AMBRA1: variants seen among roughly 807,000 people sequenced by gnomAD.
AMBRA1 encodes the protein autophagy and beclin 1 regulator 1.
AMBRA1 carries 47 observed loss-of-function variants against 125.4 expected under a neutral mutation model. The ratio of observed to expected loss-of-function variants is 0.37; its 90% CI spans 0.30 to 0.48. AMBRA1 has a LOEUF of 0.48. AMBRA1 is among the 20% of genes least tolerant of loss of function. AMBRA1 has a pLI of 0.99. For missense variants in AMBRA1, 1,331 were observed against 1,693.4 expected (o/e 0.79, Z 3.76); for synonymous variants, 626 against 655.5 (o/e 0.95, Z 0.69).
chr11:46,517,930 A>G (rs1951576042), intron 7 of AMBRA1, among the ~76,000 whole-genome samples: 1 of 152,028 alleles, frequency 6.6e-6, no homozygotes, highest in Non-Finnish European at 1.5e-5. Flanking sequence ...TCGTATATAT[A>G]TAGAGAGAGA....
intron 14 of AMBRA1, among the ~76,000 whole-genome samples, chr11:46,426,482 G>A (rs1947143951): frequency 6.6e-6 from 1 of 152,204 alleles, no homozygotes; most frequent in South Asian, 2.1e-4. Context: ...ATGCAGCATA[G>A]ACTGCACTCT....
chr11:46,545,013 G>C (rs1178715344), intron 5 of AMBRA1, among the ~76,000 whole-genome samples: 2 of 151,934 alleles, frequency 1.3e-5, no homozygotes, highest in African/African-American at 4.8e-5. Flanking sequence ...TGTAGTCCCA[G>C]ATACTCATAA....
chr11:46,557,286 G>A (rs1275875542), intron 1 of AMBRA1, among the ~76,000 whole-genome samples: 4 of 144,562 alleles, frequency 2.8e-5, no homozygotes, highest in African/African-American at 1.0e-4. Context: ...GGGGGAGAGA[G>A]TGAGACTCCA....
At chr11:46,501,935 G>A (rs1414045635) in intron 9 of AMBRA1, among the ~76,000 whole-genome samples, 1 of 152,110 alleles carries the variant, frequency 6.6e-6, no homozygotes, top group Non-Finnish European at 1.5e-5. Context: ...TACTGTACTT[G>A]CCTTTCTCCT....
chr11:46,510,372 A>G (rs1951210117), intron 8 of AMBRA1, among the ~76,000 whole-genome samples: 1 of 152,220 alleles, frequency 6.6e-6, no homozygotes, highest in Admixed American at 6.5e-5. Context: ...CACTGTTCTT[A>G]TATCTGCCCA....
intron 14 of AMBRA1, among the ~76,000 whole-genome samples, chr11:46,430,326 T>C (rs1947391825): frequency 6.6e-6 from 1 of 152,160 alleles, no homozygotes; most frequent in African/African-American, 2.4e-5. Context: ...AAAACCACAA[T>C]GGCAAGTAGA....
At chr11:46,555,253 A>C (rs1243303036) in intron 1 of AMBRA1, among the ~76,000 whole-genome samples, 2 of 152,186 alleles carry the variant, frequency 1.3e-5, no homozygotes, top group Admixed American at 1.3e-4. Context: ...TACTCATAAA[A>C]ACCATCTAGA....
intron 11 of AMBRA1, among the ~76,000 whole-genome samples, chr11:46,473,807 C>A (rs1401351788): frequency 6.6e-6 from 1 of 152,186 alleles, no homozygotes; most frequent in South Asian, 2.1e-4. Context: ...CCCACCACCA[C>A]GCCCGGCTAA....
chr11:46,495,298 A>G (rs1446224932), intron 9 of AMBRA1: 1 of 152,242 alleles, frequency 6.6e-6, no homozygotes, highest in Admixed American at 6.5e-5. Flanking sequence ...AATCAATGAG[A>G]TAATCTTCAA....
chr11:46,561,987 T>A (rs1262942647), intron 1 of AMBRA1, among the ~76,000 whole-genome samples: 1 of 152,206 alleles, frequency 6.6e-6, no homozygotes, highest in African/African-American at 2.4e-5. Context: ...TTCTAGGCAC[T>A]GAGGATACTA....
chr11:46,473,251 T>C (rs1223643490), intron 11 of AMBRA1, among the ~76,000 whole-genome samples: 1 of 152,208 alleles, frequency 6.6e-6, no homozygotes, highest in Non-Finnish European at 1.5e-5. Context: ...GCCTCTGTGA[T>C]AGCCAGGAAG....
rs760072932 is a variant in AMBRA1, at chr11:46,494,207, GA to G, written c.2340-4del. 2.1e-5 allele frequency: 34 copies of G among 1,595,702 alleles called. No individual in the cohort carries two copies. In the African/African-American group the frequency reaches 3.7e-4, roughly 18 times the overall value. ...GCCTGGATCTGTCACCATTGTCCCTGAAAAAAATAAAAACACTACACATAAG... is the reference window on the plus strand; with the variant it reads ...GCCTGGATCTGTCACCATTGTCCCTGAAAAAATAAAAACACTACACATAAG... On this transcript the variant is annotated splice_polypyrimidine_tract_variant and splice_region_variant and intron_variant, in intron 9 of 17. Transcript: ENST00000683756.
rs559617700 is a variant in AMBRA1 at position 46,527,385 on chromosome 11, C to T, written c.2072+14560G>A. On this transcript the variant is annotated intron_variant, in intron 7 of 17. Transcript: ENST00000683756. ...ATCCCAACTACTTGGGAAGCTGAAGCAGGAGAATTGCTTGAACCCAGGAGG... is the reference window on the plus strand; with the variant it reads ...ATCCCAACTACTTGGGAAGCTGAAGTAGGAGAATTGCTTGAACCCAGGAGG... 2.1e-5 allele frequency among the ~76,000 whole-genome samples: 3 copies of T among 142,046 alleles called. No individual in the cohort carries two copies. In the South Asian group the frequency reaches 6.5e-4, roughly 31 times the overall value. The allele number at this position is 142,046 out of a possible 152,430, so 93.2% of individuals were successfully genotyped here. A position where few individuals can be genotyped will look rare whatever the true frequency, so the allele number is the denominator to read the frequency against.
intron 11 of AMBRA1, among the ~76,000 whole-genome samples, chr11:46,492,076 A>G (rs1161664547): frequency 6.6e-6 from 1 of 152,160 alleles, no homozygotes; most frequent in African/African-American, 2.4e-5. Context: ...AAAAGCTTTA[A>G]CGTGCCTTCG....
chr11:46,515,674 AT>A (rs1425117016), intron 7 of AMBRA1, among the ~76,000 whole-genome samples: 2 of 151,822 alleles, frequency 1.3e-5, no homozygotes, highest in Non-Finnish European at 2.9e-5. Context: ...TAATGACTCC[AT>A]TTTTATTTTT....
chr11:46,499,275 C>T (rs1310841663), intron 9 of AMBRA1, among the ~76,000 whole-genome samples: 1 of 152,140 alleles, frequency 6.6e-6, no homozygotes, highest in Non-Finnish European at 1.5e-5. Context: ...AGGGTTATGT[C>T]TTCCTCCCCC....
intron 12 of AMBRA1, among the ~76,000 whole-genome samples, chr11:46,440,088 C>T (rs1359975798): frequency 6.6e-6 from 1 of 152,010 alleles, no homozygotes; most frequent in Non-Finnish European, 1.5e-5. Context: ...CCCTGCAATT[C>T]CATTTCTAGA....
chr11:46,541,162 T>C (rs185671791), intron 7 of AMBRA1, among the ~76,000 whole-genome samples: 31 of 152,320 alleles, frequency 2.0e-4, no homozygotes, highest in Admixed American at 2.0e-3. Flanking sequence ...TAAATCAAGA[T>C]AGATGCGCAC....
chr11:46,572,082 C>T (rs1473659891), intron 1 of AMBRA1, among the ~76,000 whole-genome samples: 3 of 152,244 alleles, frequency 2.0e-5, no homozygotes, highest in East Asian at 3.9e-4. Context: ...GTGGGTGGAT[C>T]ACAAGGTCAA....
Sources: gnomAD v4.1 joint callset for allele counts (sites outside exome capture counted in the v4.1 genomes callset) on GRCh38, gnomAD v4.1.1 for gene constraint, MANE v1.5 for transcripts, NCBI Gene and HGNC (gene_info 2026-07-23, HGNC 2026-07-21) for gene names.